RBMS3: variants seen among roughly 807,000 people sequenced by gnomAD.
The protein encoded by RBMS3 is RNA-binding motif, single-stranded-interacting protein 3.
Under a neutral mutation model 66.8 loss-of-function variants are expected in RBMS3, and 27 were observed. The ratio of observed to expected loss-of-function variants is 0.40; its 90% CI spans 0.30 to 0.56. RBMS3 has a LOEUF of 0.56. RBMS3 is among the 20% of genes least tolerant of loss of function. RBMS3 has a pLI of 0.40. For synonymous variants in RBMS3, 188 were observed against 183.0 expected (o/e 1.03, Z -0.22); for missense variants, 513 against 549.5 (o/e 0.93, Z 0.66).
intron 2 of RBMS3, among the ~76,000 whole-genome samples, chr3:29,441,671 AGG>A (rs1186757465): frequency 6.6e-6 from 1 of 152,178 alleles, no homozygotes; most frequent in African/African-American, 2.4e-5. Flanking sequence ...AGAATCCCTT[AGG>A]GACCTTCAGA....
intron 1 of RBMS3, among the ~76,000 whole-genome samples, chr3:29,346,580 T>C (rs1392166853): frequency 6.6e-6 from 1 of 151,806 alleles, no homozygotes; most frequent in Non-Finnish European, 1.5e-5. Flanking sequence ...ATTTTTGTAT[T>C]TTTAGTAGAG....
intron 4 of RBMS3, chr3:29,615,979 A>G (rs1197705564): frequency 6.6e-6 from 1 of 152,184 alleles, no homozygotes; most frequent in Non-Finnish European, 1.5e-5. Flanking sequence ...AACTGAAGGA[A>G]TTCAGTTGAG....
intron 7 of RBMS3, among the ~76,000 whole-genome samples, chr3:29,872,742 G>T (rs1267829078): frequency 6.6e-6 from 1 of 152,140 alleles, no homozygotes; most frequent in African/African-American, 2.4e-5. Context: ...CAAGAATGGG[G>T]TACTGGCTGG....
intron 6 of RBMS3, among the ~76,000 whole-genome samples, chr3:29,772,423 C>T (rs1392244401): frequency 2.0e-5 from 3 of 152,034 alleles, no homozygotes; most frequent in African/African-American, 4.8e-5. Flanking sequence ...GAAAAACTCT[C>T]ATAGTTTCTC....
chr3:30,002,788 T>C (rs1699670108), intron 14 of RBMS3, among the ~76,000 whole-genome samples: 1 of 152,004 alleles, frequency 6.6e-6, no homozygotes, highest in Admixed American at 6.6e-5. Context: ...ACTATGTCCT[T>C]TCCAGGCCAT....
rs561051511 is a variant in RBMS3, at chr3:29,460,092, C to T, written c.248+25177C>T. Reference sequence around the variant, plus strand: ...ACACAGAACAAAGTTAATTCTTCTTCAGCATAACAGCCTTGCAAATATAAC... The same window carrying T: ...ACACAGAACAAAGTTAATTCTTCTTTAGCATAACAGCCTTGCAAATATAAC... On this transcript the variant is annotated intron_variant, in intron 2 of 14. Transcript: ENST00000383767. Among the ~76,000 whole-genome samples, 6 of 152,314 alleles carry T rather than the reference C, an allele frequency of 3.9e-5. No individual in the cohort carries two copies. In the South Asian group the frequency reaches 1.0e-3, roughly 26 times the overall value.
In RBMS3 at chr3:29,906,735, C is replaced by T. The variant is rs183989621; in HGVS notation, c.939+6980C>T. ...CATATAAAATACCCATTTCCTCTTACCCAAAGATTAGTACAGTTAATATCT... is the reference window on the plus strand; with the variant it reads ...CATATAAAATACCCATTTCCTCTTATCCAAAGATTAGTACAGTTAATATCT... On this transcript the variant is annotated intron_variant, in intron 10 of 14. Transcript: ENST00000383767. 7.4e-3 allele frequency among the ~76,000 whole-genome samples: 1,119 copies of T among 152,074 alleles called. 5 individuals are homozygous for T. The highest frequency in any genetic ancestry group is 0.012 in the Non-Finnish European group (804 of 67,980).
chr3:29,544,801 G>T (rs2045887823), intron 3 of RBMS3, among the ~76,000 whole-genome samples: 1 of 151,950 alleles, frequency 6.6e-6, no homozygotes, highest in South Asian at 2.1e-4. Flanking sequence ...GAATGGTGTG[G>T]CTGTATTCCA....
At chr3:29,869,999 G>A (rs907061851) in intron 7 of RBMS3, among the ~76,000 whole-genome samples, 5 of 152,082 alleles carry the variant, frequency 3.3e-5, no homozygotes, top group African/African-American at 9.7e-5. Context: ...TTTGCTTTGA[G>A]TGTTTCCATG....
At chr3:29,727,214 C>T (rs534294863) in intron 4 of RBMS3, among the ~76,000 whole-genome samples, 55 of 152,206 alleles carry the variant, frequency 3.6e-4, no homozygotes, top group Non-Finnish European at 7.6e-4. Context: ...CAAAAATTAA[C>T]TCATGATGGA....
intron 8 of RBMS3, among the ~76,000 whole-genome samples, chr3:29,889,235 C>T (rs1030711369): frequency 5.3e-5 from 8 of 151,566 alleles, no homozygotes; most frequent in Non-Finnish European, 8.9e-5. Context: ...GTAAAACTCA[C>T]TCCCCATGGC....
chr3:29,926,054 G>A (rs2060928485), intron 10 of RBMS3, among the ~76,000 whole-genome samples: 1 of 152,008 alleles, frequency 6.6e-6, no homozygotes, highest in Non-Finnish European at 1.5e-5. Context: ...AATCTTGAAG[G>A]CCTCAGAATG....
intron 6 of RBMS3, chr3:29,797,531 C>A (rs2149437181): frequency 6.6e-6 from 1 of 152,280 alleles, no homozygotes; most frequent in South Asian, 2.1e-4. Context: ...GTTGCATTTT[C>A]AATTTTCATC....
chr3:29,835,266 C>T lies in RBMS3; in HGVS notation c.638-33592C>T, dbSNP rs13319080. The stretch of plus-strand genomic sequence containing the variant: ...TCAATAAGAAAACATTGGACTTTAA[C>T]TACATTTTAGAACAAATGAACCTAG... On this transcript the variant is annotated intron_variant, in intron 6 of 14. Coordinates refer to ENST00000383767, the MANE Select transcript of RBMS3 (RefSeq NM_001003793.3). 1.7e-3 allele frequency among the ~76,000 whole-genome samples: 266 copies of T among 152,068 alleles called. 2 individuals are homozygous for T. Among genetic ancestry groups the T allele is most frequent in the African/African-American group, 6.1e-3 (255 of 41,552 alleles).
intron 3 of RBMS3, among the ~76,000 whole-genome samples, chr3:29,532,704 G>A (rs574387187): frequency 9.2e-5 from 14 of 152,156 alleles, no homozygotes; most frequent in African/African-American, 2.4e-4. Flanking sequence ...CCTCTAGTGC[G>A]GACAACGTAG....
chr3:29,873,487 G>A (rs1017520019), intron 7 of RBMS3, among the ~76,000 whole-genome samples: 2 of 152,090 alleles, frequency 1.3e-5, no homozygotes, highest in Non-Finnish European at 1.5e-5. Flanking sequence ...GGAGCTTTTG[G>A]GCTGAGACTA....
chr3:29,449,718 G>A (rs1463948019), intron 2 of RBMS3, among the ~76,000 whole-genome samples: 2 of 152,108 alleles, frequency 1.3e-5, no homozygotes, highest in Admixed American at 6.5e-5. Flanking sequence ...TCGTTTTAAC[G>A]CTAAAAGAGC....
At chr3:29,613,523 T>C (rs1247022919) in intron 4 of RBMS3, among the ~76,000 whole-genome samples, 2 of 152,170 alleles carry the variant, frequency 1.3e-5, no homozygotes, top group Non-Finnish European at 2.9e-5. Flanking sequence ...GTTTGTCTTT[T>C]GAGAAATGCC....
intron 1 of RBMS3, among the ~76,000 whole-genome samples, chr3:29,299,532 C>T (rs760538021): frequency 1.3e-5 from 2 of 151,378 alleles, no homozygotes; most frequent in Non-Finnish European, 2.9e-5. Flanking sequence ...CTCCACCAAG[C>T]GTGATTTCTA....
Sources: gnomAD v4.1 joint callset for allele counts (sites outside exome capture counted in the v4.1 genomes callset) on GRCh38, gnomAD v4.1.1 for gene constraint, MANE v1.5 for transcripts, NCBI Gene and HGNC (gene_info 2026-07-23, HGNC 2026-07-21) for gene names.